The following CLEC12A variants were observed in gnomAD, a reference collection of about 807,000 sequenced individuals.
CLEC12A encodes the protein C-type lectin protein CLL-1.
Under a neutral mutation model 26.5 loss-of-function variants are expected in CLEC12A, and 22 were observed. The ratio of observed to expected loss-of-function variants is 0.83; its 90% CI spans 0.59 to 1.19. CLEC12A has a LOEUF of 1.19. Among genes scored for constraint, CLEC12A ranks in the 50% most tolerant of loss-of-function variants. The probability of loss-of-function intolerance (pLI) is 0.00; values close to 1 mark genes in which losing one functional copy is unlikely to be tolerated. For missense variants in CLEC12A, 353 were observed against 315.6 expected, an observed-to-expected ratio of 1.12 and a Z score of -0.90; for synonymous variants, 119 against 101.9, an observed-to-expected ratio of 1.17 and a Z score of -1.01.
At chr12:9,971,199 A>G (rs1473395330), upstream of CLEC12A, among the ~76,000 whole-genome samples, 9 of 152,254 alleles carry the variant, frequency 5.9e-5, no homozygotes, top group Non-Finnish European at 2.9e-5. Context: ...TTTTTCACCA[A>G]TAAATCCTAC....
chr12:10,005,424 G>A, the CLEC12A span, among the ~76,000 whole-genome samples: 3 of 152,130 alleles, frequency 2.0e-5, no homozygotes, highest in Non-Finnish European at 4.4e-5. Flanking sequence ...AATTGCCCAG[G>A]TTTCTTCCAT....
upstream of CLEC12A, among the ~76,000 whole-genome samples, chr12:9,970,935 T>C (rs1280122136): frequency 6.6e-6 from 1 of 152,212 alleles, no homozygotes; most frequent in African/African-American, 2.4e-5. Flanking sequence ...CCAACCTATA[T>C]ATTGTTATTT....
chr12:9,982,662 G>C (rs1039366976), intron 5 of CLEC12A, among the ~76,000 whole-genome samples: 6 of 152,156 alleles, frequency 3.9e-5, no homozygotes, highest in African/African-American at 1.2e-4. Flanking sequence ...TATGGATTTA[G>C]GGGGTACGAT....
chr12:9,974,940 A>G (rs1864275818), intron 1 of CLEC12A, among the ~76,000 whole-genome samples: 1 of 152,080 alleles, frequency 6.6e-6, no homozygotes. Flanking sequence ...GGTTTTTCCC[A>G]TGCTGTTCTT....
At chr12:9,958,654 G>A (rs1342456949) in intron 1 of CLEC12A, among the ~76,000 whole-genome samples, 5 of 152,170 alleles carry the variant, frequency 3.3e-5, no homozygotes, top group Admixed American at 2.0e-4. Flanking sequence ...GGACTTTCCT[G>A]GGGCTTGGAC....
At chr12:9,958,312 C>T (rs920592357) in intron 1 of CLEC12A, among the ~76,000 whole-genome samples, 2 of 152,116 alleles carry the variant, frequency 1.3e-5, no homozygotes, top group Admixed American at 6.5e-5. Flanking sequence ...ACATATAATC[C>T]GGGCACACAG....
At chr12:9,952,265 C>G (rs1265974172) in intron 1 of CLEC12A, among the ~76,000 whole-genome samples, 3 of 149,486 alleles carry the variant, frequency 2.0e-5, no homozygotes, top group Non-Finnish European at 4.5e-5. Flanking sequence ...GCTGCCATCT[C>G]GGCTCACTGC....
intron 1 of CLEC12A, among the ~76,000 whole-genome samples, chr12:9,961,247 G>A (rs1442665805): frequency 2.0e-5 from 3 of 152,330 alleles, no homozygotes; most frequent in Non-Finnish European, 4.4e-5. Flanking sequence ...ATGCCTGAGA[G>A]ATATAATGAA....
chr12:9,983,716 C>A (rs555689540), intron 5 of CLEC12A: 2 of 477,370 alleles, frequency 4.2e-6, no homozygotes, highest in Admixed American at 3.9e-5. Context: ...GCCATAATGG[C>A]AAATAGAATT....
intron 1 of CLEC12A, among the ~76,000 whole-genome samples, chr12:9,957,849 T>C (rs1037616694): frequency 2.6e-5 from 4 of 152,242 alleles, no homozygotes; most frequent in Non-Finnish European, 5.9e-5. Flanking sequence ...GCTTGACTTC[T>C]CTCTTTGGCT....
downstream of CLEC12A, chr12:9,985,708 A>G (rs906094439): frequency 2.7e-6 from 1 of 371,304 alleles, no homozygotes; most frequent in East Asian, 3.9e-5. Context: ...TCTGAAAAAA[A>G]ATATATAGAT....
rs1864714475 is a variant in CLEC12A at position 9,984,981 on chromosome 12, G to A, written c.753G>A (p.Met251Ile). ...TYKKRMICEK[M>I]ANPVQLGSTY... ...AAAAAAGAATGATATGTGAGAAGAT[G>A]GCCAATCCAGTGCAGCTTGGTTCTA... is the stretch of plus-strand genomic sequence containing the variant. The change falls in exon 6 of 6, where the codon ATG becomes ATA. Residue 251 changes from methionine (M) to isoleucine (I), a missense_variant. Met to Ile is a conservative substitution (Grantham distance 10). Coordinates refer to ENST00000304361, the MANE Select transcript of CLEC12A (RefSeq NM_138337.6). 1 of 1,551,038 alleles carries A rather than the reference G, an allele frequency of 6.4e-7. No homozygotes were observed. Among genetic ancestry groups the A allele is most frequent in the African/African-American group, 1.4e-5 (1 of 73,028 alleles).
chr12:9,969,162 A>C (rs553124102), upstream of CLEC12A, among the ~76,000 whole-genome samples: 5 of 152,290 alleles, frequency 3.3e-5, no homozygotes, highest in Non-Finnish European at 7.4e-5. Flanking sequence ...GAAGGAACAA[A>C]TTCTAGTATT....
In CLEC12A at chr12:9,979,031, T is replaced by C. The variant is rs1163222990; in HGVS notation, c.157T>C (p.Leu53=). 1.2e-6 allele frequency: 2 copies of C among 1,613,936 alleles called. No homozygotes were observed. Reference sequence around the variant, plus strand: ...GTTTCTGACTCTTCTGTGCCTTCTGTTGCTCATTGGATTGGGAGTCTTGGC... The same window carrying C: ...GTTTCTGACTCTTCTGTGCCTTCTGCTGCTCATTGGATTGGGAGTCTTGGC... The part of the protein sequence containing the change: ...ALFLTLLCLL[L]LIGLGVLASM... Residue 53 remains leucine (L), a synonymous_variant, in exon 2 of 6, where the codon TTG becomes CTG. Coordinates refer to ENST00000304361, the MANE Select transcript of CLEC12A (RefSeq NM_138337.6).
chr12:9,969,836 G>GC (rs2137131982), upstream of CLEC12A, among the ~76,000 whole-genome samples: 1 of 152,300 alleles, frequency 6.6e-6, no homozygotes, highest in African/African-American at 2.4e-5. Context: ...TTTGAACAAG[G>GC]CAACCAGAGA....
chr12:9,953,321 C>T (rs1177333757), intron 1 of CLEC12A: 1 of 37,086 alleles, frequency 2.7e-5, no homozygotes, highest in African/African-American at 1.1e-4. Flanking sequence ...GGGGTCAGCC[C>T]CCCCGCCCAG....
intron 1 of CLEC12A, among the ~76,000 whole-genome samples, chr12:9,978,691 G>A (rs192856214): frequency 7.6e-4 from 115 of 152,014 alleles, no homozygotes; most frequent in African/African-American, 2.7e-3. Flanking sequence ...TATAAATTCT[G>A]TTTTTGCTTA....
chr12:9,979,244 A>T, intron 2 of CLEC12A, 92 bp from the exon 3 acceptor site: 1 of 1,091,398 alleles, frequency 9.2e-7, no homozygotes, highest in Non-Finnish European at 1.3e-6. Flanking sequence ...TGCTTTCCCT[A>T]CCCCTTTAAT....
chr12:9,984,100 G>GAT (rs565976446), intron 5 of CLEC12A: 24 of 272,368 alleles, frequency 8.8e-5, no homozygotes, highest in South Asian at 1.4e-4. Context: ...TTGTATGTAT[G>GAT]ATATATATAT....
Sources: gnomAD v4.1 joint callset for allele counts (sites outside exome capture counted in the v4.1 genomes callset) on GRCh38, gnomAD v4.1.1 for gene constraint, MANE v1.5 for transcripts, NCBI Gene and HGNC (gene_info 2026-07-23, HGNC 2026-07-21) for gene names.